Variants in TMEM50B observed in about 807,000 individuals in gnomAD.
TMEM50B encodes the protein HCV p7-trans-regulated protein 3.
Under a neutral mutation model 23.4 loss-of-function variants are expected in TMEM50B, and 14 were observed. The ratio of observed to expected loss-of-function variants is 0.60; its 90% CI spans 0.39 to 0.93. The LOEUF (loss-of-function observed/expected upper bound fraction) is 0.93. Among genes scored for constraint, TMEM50B ranks in the 40% least tolerant of loss-of-function variants. The pLI, the probability that TMEM50B is intolerant of heterozygous loss-of-function variation, is 0.00. For synonymous variants in TMEM50B, 64 were observed against 62.3 expected (o/e 1.03, Z -0.13); for missense variants, 159 against 193.0 (o/e 0.82, Z 1.04).
chr21:33,479,018 C>T, intron 1 of TMEM50B: 1 of 339,746 alleles, frequency 2.9e-6, no homozygotes, highest in Non-Finnish European at 5.8e-6. Context: ...GCCCCCTGCC[C>T]CTCCGCACCC....
rs1048355790 is a variant in TMEM50B, at chr21:33,436,725, AAAAATAAAAATAAAAAT to A, written c.*2120+2472_*2120+2488del. The A allele has an allele frequency of 8.1e-5, 78 of 964,512 alleles. 1 individual carries two copies. The Middle Eastern group carries it at 9.6e-4, about 12-fold the overall frequency. The allele number at this position is 964,512 out of a possible 1,614,324, so 59.7% of individuals were successfully genotyped here. ...CAAGAGTAAGACTCCATCTCAAAAA[AAAAATAAAAATAAAAAT>A]AAAATAAAAACAAAAACTAAAGTTA... On this transcript the variant is annotated intron_variant and NMD_transcript_variant, in intron 8 of 8. Coordinates refer to the TMEM50B transcript ENST00000420455.
intron 6 of TMEM50B, among the ~76,000 whole-genome samples, chr21:33,453,259 T>C (rs1206664485): frequency 6.6e-6 from 1 of 152,020 alleles, no homozygotes; most frequent in Non-Finnish European, 1.5e-5. Context: ...CCAGCTAATG[T>C]CTGTATTTTT....
chr21:33,478,686 GATAA>G (rs552465545), intron 1 of TMEM50B: 43 of 451,218 alleles, frequency 9.5e-5, no homozygotes, highest in African/African-American at 6.5e-4. Flanking sequence ...TTTCCAGCGC[GATAA>G]ATATTCAAGA....
At chr21:33,437,809 C>A (rs1211687354) in intron 8 of TMEM50B, among the ~76,000 whole-genome samples, 1 of 151,740 alleles carries the variant, frequency 6.6e-6, no homozygotes, top group African/African-American at 2.4e-5. Flanking sequence ...CATGGTGAAA[C>A]CCTGTCTCTA....
chr21:33,467,614 ACT>A (rs1414541154), intron 2 of TMEM50B, among the ~76,000 whole-genome samples: 6 of 152,040 alleles, frequency 3.9e-5, no homozygotes, highest in Non-Finnish European at 7.4e-5. Flanking sequence ...AAAGAACGAG[ACT>A]CTGTCTCAAA....
intron 1 of TMEM50B, chr21:33,479,108 C>T (rs2084402212): frequency 3.9e-6 from 1 of 259,494 alleles, no homozygotes; most frequent in Admixed American, 5.0e-5. Context: ...CACGTATTTA[C>T]CTTAGAATTT....
chr21:33,455,071 G>A (rs2084157325), intron 6 of TMEM50B, among the ~76,000 whole-genome samples: 2 of 152,048 alleles, frequency 1.3e-5, no homozygotes, highest in South Asian at 4.1e-4. Context: ...AGCCGAGATT[G>A]TTCCACTGCA....
intron 4 of TMEM50B, among the ~76,000 whole-genome samples, chr21:33,463,720 C>T (rs181248296): frequency 6.6e-6 from 1 of 152,084 alleles, no homozygotes; most frequent in Non-Finnish European, 1.5e-5. Flanking sequence ...GAGATCAAGA[C>T]CAGCCTGAAC....
At chr21:33,441,310 A>C (rs564484287) in intron 7 of TMEM50B, among the ~76,000 whole-genome samples, 3 of 152,350 alleles carry the variant, frequency 2.0e-5, no homozygotes, top group Admixed American at 2.0e-4. Context: ...TTGAAGTGCC[A>C]CAACAGAGAG....
At chr21:33,477,245 C>T (rs2084381994) in intron 1 of TMEM50B, among the ~76,000 whole-genome samples, 1 of 152,058 alleles carries the variant, frequency 6.6e-6, no homozygotes, top group Admixed American at 6.6e-5. Context: ...CGTGAGGGAA[C>T]CACTGCACTC....
At chr21:33,455,341 C>T (rs1434257401) in intron 6 of TMEM50B, among the ~76,000 whole-genome samples, 1 of 151,934 alleles carries the variant, frequency 6.6e-6, no homozygotes, top group African/African-American at 2.4e-5. Context: ...TACACCACCA[C>T]AACCAGATAA....
chr21:33,449,657 G>A lies in TMEM50B; in HGVS notation c.*1161C>T, dbSNP rs1243935879. 4 of 152,276 alleles carry A rather than the reference G, an allele frequency of 2.6e-5. No individual in the cohort carries two copies. The highest frequency in any genetic ancestry group is 9.6e-5 in the African/African-American group (4 of 41,464). The allele number at this position is 152,276 out of a possible 1,614,324, so 9.4% of individuals were successfully genotyped here. A position where few individuals can be genotyped will look rare whatever the true frequency, so the allele number is the denominator to read the frequency against. On this transcript the variant is annotated 3_prime_UTR_variant, in exon 7 of 7. Coordinates refer to ENST00000542230, the MANE Select transcript of TMEM50B (RefSeq NM_006134.7). ...GGAGAGACTTGCAGTCGGTAACTGA[G>A]TAGATGAAATGCATAATTTTTCACT... is the stretch of plus-strand genomic sequence containing the variant.
At position 33,456,348 on chromosome 21, in the gene TMEM50B, A is replaced by G. The variant is rs567592540; in HGVS notation, c.374-564T>C. ...CAAGTGGATGGGACTACAGGCACACACCACAATGCCTGGCTCTCAATCCAG... is the reference window on the plus strand; with the variant it reads ...CAAGTGGATGGGACTACAGGCACACGCCACAATGCCTGGCTCTCAATCCAG... On this transcript the variant is annotated intron_variant, in intron 5 of 6. Transcript: ENST00000542230. Among the ~76,000 whole-genome samples the G allele has an allele frequency of 4.6e-5, 7 of 152,294 alleles. No individual in the cohort carries two copies. In the East Asian group the frequency reaches 1.2e-3, roughly 25 times the overall value.
At chr21:33,445,355 G>A (rs4266092), downstream of TMEM50B, among the ~76,000 whole-genome samples, 1,702 of 152,336 alleles carry the variant, frequency 0.011, 32 homozygotes, top group African/African-American at 0.039. Flanking sequence ...AAAACCCTAA[G>A]TAAAATTACT....
intron 8 of TMEM50B, chr21:33,432,888 CTCTTT>C (rs2123370664): frequency 8.9e-6 from 12 of 1,341,278 alleles, no homozygotes; most frequent in African/African-American, 3.0e-5. Context: ...GTGCACACAT[CTCTTT>C]TTTTTTTTTT....
At chr21:33,469,543 G>T (rs1395807837) in intron 1 of TMEM50B, 1 of 152,170 alleles carries the variant, frequency 6.6e-6, no homozygotes, top group African/African-American at 2.4e-5. Flanking sequence ...TTGAATTTGG[G>T]TCAACAATAA....
intron 2 of TMEM50B, chr21:33,468,569 G>A (rs753223342): frequency 3.9e-5 from 18 of 461,678 alleles, no homozygotes; most frequent in Non-Finnish European, 6.5e-5. Context: ...CACTGGAACT[G>A]AAGAAAAGAT....
intron 1 of TMEM50B, among the ~76,000 whole-genome samples, chr21:33,472,199 T>A (rs1328220389): frequency 1.3e-5 from 2 of 151,360 alleles, no homozygotes. Context: ...CTGGCCAACA[T>A]GGTGAAACCC....
chr21:33,451,934 GAGGTTGTACCCCAGAGCTTAGAAC>G (rs2123417858), intron 6 of TMEM50B, among the ~76,000 whole-genome samples: 1 of 152,280 alleles, frequency 6.6e-6, no homozygotes, highest in African/African-American at 2.4e-5. Context: ...GTAAATAAAA[GAGGTTGTACCCCAGAGCTTAGAAC>G]AGGTCCAGCA....
Sources: gnomAD v4.1 joint callset for allele counts (sites outside exome capture counted in the v4.1 genomes callset) on GRCh38, gnomAD v4.1.1 for gene constraint, MANE v1.5 for transcripts, NCBI Gene and HGNC (gene_info 2026-07-23, HGNC 2026-07-21) for gene names.